IGFBP3: variants seen among roughly 807,000 people sequenced by gnomAD.
IGFBP3 encodes insulin-like growth factor-binding protein 3.
In IGFBP3, 9 loss-of-function variants were observed where a neutral mutation model predicts 28.6. The observed-to-expected ratio is 0.31, with a 90% CI of 0.19 to 0.55. IGFBP3 has a LOEUF of 0.55. IGFBP3 is among the 20% of genes least tolerant of loss of function. IGFBP3 has a pLI of 0.93. For synonymous variants in IGFBP3, 185 were observed against 188.2 expected (o/e 0.98, Z 0.14); for missense variants, 382 against 428.9 (o/e 0.89, Z 0.97).
At chr7:45,918,570 C>T (rs1475890023) in intron 1 of IGFBP3, among the ~76,000 whole-genome samples, 1 of 152,136 alleles carries the variant, frequency 6.6e-6, no homozygotes, top group Non-Finnish European at 1.5e-5. Context: ...CTGGAGGCAT[C>T]GGCTTAAGTC....
chr7:45,917,048 C>A (rs1035392792), intron 2 of IGFBP3, 165 bp downstream of exon 2: 1 of 623,642 alleles, frequency 1.6e-6, no homozygotes, highest in African/African-American at 1.8e-5. Context: ...GGTCAATATT[C>A]TTTATGTAAG....
intron 4 of IGFBP3, 99 bp downstream of exon 4, chr7:45,914,706 G>GTAAGCC: frequency 8.3e-7 from 1 of 1,210,906 alleles, no homozygotes; most frequent in Non-Finnish European, 1.2e-6. Flanking sequence ...TCCTGGGTCT[G>GTAAGCC]TAAGCCTGGG....
At chr7:45,914,768 G>A in intron 4 of IGFBP3, 37 bp downstream of exon 4, 1 of 1,601,640 alleles carries the variant, frequency 6.2e-7, no homozygotes, top group Non-Finnish European at 8.5e-7. Context: ...GGACAGTGAG[G>A]CCCTGGAGCC....
intron 3 of IGFBP3, among the ~76,000 whole-genome samples, chr7:45,915,700 C>T (rs1178246566): frequency 6.6e-6 from 1 of 152,216 alleles, no homozygotes; most frequent in Non-Finnish European, 1.5e-5. Flanking sequence ...CACTCCATTC[C>T]TTTTCCAGGA....
At chr7:45,920,671 A>AC in intron 1 of IGFBP3, 67 bp downstream of exon 1, 1 of 1,277,036 alleles carries the variant, frequency 7.8e-7, no homozygotes, top group Non-Finnish European at 9.9e-7. Context: ...GCACCCAGCA[A>AC]CCCCCAGGCC....
intron 4 of IGFBP3, 88 bp from the exon 5 acceptor site, chr7:45,913,922 C>T (rs1784575365): frequency 6.6e-6 from 1 of 152,206 alleles, no homozygotes; most frequent in Non-Finnish European, 1.5e-5. Flanking sequence ...CCAGCACAGC[C>T]TGCAGGCTAA....
chr7:45,914,409 T>C (rs966760095), intron 4 of IGFBP3: 1 of 154,514 alleles, frequency 6.5e-6, no homozygotes, highest in Non-Finnish European at 1.4e-5. Context: ...TTTAGAAACA[T>C]GTATCTTTAG....
chr7:45,916,551 CT>C lies in IGFBP3; in HGVS notation c.746del (p.Lys249SerfsTer50). 6.2e-7 allele frequency: 1 copy of C among 1,610,606 alleles called. No individual in the cohort carries two copies. The highest frequency in any genetic ancestry group is 8.5e-7 in the Non-Finnish European group (1 of 1,177,150). ...ACACACTGAGGACCTCACTCACCTG[CT>C]TTTTCTTATAAAATCCCTTCTTGTC... The part of the protein sequence containing the change: ...NCDKKGFYKK[K>X]QCRPSKGRKR... On this transcript the variant is annotated frameshift_variant, in exon 3 of 5. Transcript: ENST00000613132. LOFTEE classifies it high-confidence loss of function.
At chr7:45,917,071 G>A in intron 2 of IGFBP3, 142 bp downstream of exon 2, 1 of 667,988 alleles carries the variant, frequency 1.5e-6, no homozygotes, top group South Asian at 1.8e-5. Flanking sequence ...GAGGAGAGAG[G>A]TAGGGCACAG....
chr7:45,915,246 T>C (rs1583669853), intron 3 of IGFBP3: 1 of 326,704 alleles, frequency 3.1e-6, no homozygotes, highest in Non-Finnish European at 5.7e-6. Context: ...CTCTGCCAAA[T>C]GTGGGACTGA....
chr7:45,913,323 G>C lies in IGFBP3; in HGVS notation c.*527C>G, dbSNP rs150554235. The C allele has an allele frequency of 2.0e-5, 3 of 152,360 alleles. No homozygotes were observed. Among genetic ancestry groups the C allele is most frequent in the Admixed American group, 1.3e-4 (2 of 15,302 alleles). 9.4% of individuals were successfully genotyped at this position (152,360 alleles called of 1,614,324 possible). The stretch of plus-strand genomic sequence containing the variant: ...AGACATAAACATTCTTCTTGGTTGA[G>C]GGATCCACGCCCTTGTTTCAGAAAT... On this transcript the variant is annotated 3_prime_UTR_variant, in exon 5 of 5. Coordinates refer to ENST00000613132, the MANE Select transcript of IGFBP3 (RefSeq NM_000598.5).
chr7:45,918,997 T>C (rs1337759314), intron 1 of IGFBP3, among the ~76,000 whole-genome samples: 1 of 152,226 alleles, frequency 6.6e-6, no homozygotes, highest in African/African-American at 2.4e-5. Flanking sequence ...ATAAAAGAGA[T>C]ACTAAGAATG....
intron 3 of IGFBP3, 24 bp downstream of exon 3, chr7:45,916,524 A>G: frequency 6.2e-7 from 1 of 1,603,394 alleles, no homozygotes; most frequent in Non-Finnish European, 8.5e-7. Flanking sequence ...AAGAGGAAGA[A>G]AACACACTGA....
rs1427865988 is a variant in IGFBP3 at position 45,912,343 on chromosome 7, GGAAA to G, written c.*1503_*1506del. ...AGCCCAGAGATGGTCAATAACAAAG[GGAAA>G]GATATTTTTTTAATGGTAAAAACTT... On this transcript the variant is annotated 3_prime_UTR_variant, in exon 5 of 5. Coordinates refer to ENST00000613132, the MANE Select transcript of IGFBP3 (RefSeq NM_000598.5). 1.3e-5 allele frequency: 2 copies of G among 151,452 alleles called. No individual in the cohort carries two copies. Among genetic ancestry groups the G allele is most frequent in the African/African-American group, 4.8e-5 (2 of 41,254 alleles). The allele number at this position is 151,452 out of a possible 1,614,324, so 9.4% of individuals were successfully genotyped here.
In IGFBP3 at chr7:45,920,762, G is replaced by C. The variant is rs984742034; in HGVS notation, c.379C>G (p.Leu127Val). 19 of 1,422,742 alleles carry C rather than the reference G, an allele frequency of 1.3e-5. No homozygotes were observed. The highest frequency in any genetic ancestry group is 1.7e-5 in the Non-Finnish European group (19 of 1,096,550). The allele number at this position is 1,422,742 out of a possible 1,614,324, so 88.1% of individuals were successfully genotyped here. A position where few individuals can be genotyped will look rare whatever the true frequency, so the allele number is the denominator to read the frequency against. Residue 127 changes from leucine to valine, a missense_variant, in exon 1 of 5, where the codon CTG becomes GTG. Physicochemically the swap from Leu to Val is conservative, Grantham distance 32. Transcript: ENST00000613132. ...CCTGGAGCTGGCGGCGCTGGCAGCA[G>C]GTAGGCGCGCAGGCGGCTGACGGCA... The part of the protein sequence containing the change: ...ASAVSRLRAY[L>V]LPAPPAPGNA...
intron 1 of IGFBP3, 101 bp from the exon 2 acceptor site, chr7:45,917,540 T>A: frequency 1.0e-6 from 1 of 954,372 alleles, no homozygotes; most frequent in Non-Finnish European, 1.5e-6. Flanking sequence ...TAAATGACAA[T>A]ATTAGTTGGC....
chr7:45,920,827 T>A lies in IGFBP3; in HGVS notation c.314A>T (p.Gln105Leu). The part of the protein sequence containing the change: ...QPSPDEARPL[Q>L]ALLDGRGLCV... ...GAGCCCGCGGCCGTCCAGCAGCGCC[T>A]GCAGCGGTCGCGCCTCGTCGGGCGA... Residue 105 changes from glutamine (Q) to leucine (L), a missense_variant, in exon 1 of 5, where the codon CAG (glutamine) becomes CTG (leucine). Physicochemically the swap from Gln to Leu is moderately radical, Grantham distance 113 (BLOSUM62 -2). Transcript: ENST00000613132. 1.4e-6 allele frequency: 2 copies of A among 1,408,074 alleles called. No individual in the cohort carries two copies. The highest frequency in any genetic ancestry group is 1.8e-6 in the Non-Finnish European group (2 of 1,089,906). 87.2% of individuals were successfully genotyped at this position (1,408,074 alleles called of 1,614,324 possible). A position where few individuals can be genotyped will look rare whatever the true frequency, so the allele number is the denominator to read the frequency against.
chr7:45,916,082 G>A (rs1301918319), intron 3 of IGFBP3, among the ~76,000 whole-genome samples: 1 of 152,296 alleles, frequency 6.6e-6, no homozygotes, highest in Admixed American at 6.5e-5. Flanking sequence ...GCTCACTATC[G>A]GGAAGGCATC....
chr7:45,919,425 A>G (rs1784655228), intron 1 of IGFBP3, among the ~76,000 whole-genome samples: 1 of 152,328 alleles, frequency 6.6e-6, no homozygotes, highest in South Asian at 2.1e-4. Context: ...CAGCAGCTTT[A>G]ACAGCTGACC....
Sources: gnomAD v4.1 joint callset for allele counts (sites outside exome capture counted in the v4.1 genomes callset) on GRCh38, gnomAD v4.1.1 for gene constraint, MANE v1.5 for transcripts, NCBI Gene and HGNC (gene_info 2026-07-23, HGNC 2026-07-21) for gene names.